The following FAM200A variants were observed in gnomAD, a reference collection of about 807,000 sequenced individuals.
The protein encoded by FAM200A is ZBED8 like.
Under a neutral mutation model 44.2 loss-of-function variants are expected in FAM200A, and 26 were observed. The observed-to-expected ratio is 0.59, with a 90% confidence interval of 0.43 to 0.82. The LOEUF (loss-of-function observed/expected upper bound fraction) is 0.82, where lower values mean the gene tolerates loss of function less well. Among genes scored for constraint, FAM200A ranks in the 40% least tolerant of loss-of-function variants. The pLI, the probability that FAM200A is intolerant of heterozygous loss-of-function variation, is 0.00. For missense variants in FAM200A, 606 were observed against 669.5 expected, an observed-to-expected ratio of 0.91 and a Z score of 1.05; for synonymous variants, 206 against 244.4, an observed-to-expected ratio of 0.84 and a Z score of 1.47.
chr7:99,549,543 T>C (rs548429371), intron 1 of FAM200A, among the ~76,000 whole-genome samples: 119 of 152,306 alleles, frequency 7.8e-4, no homozygotes, highest in Non-Finnish European at 1.3e-3. Context: ...GCCATCCCAT[T>C]ACTGGGTATA....
At chr7:99,552,221 G>T (rs548873116), upstream of FAM200A, 77 of 971,064 alleles carry the variant, frequency 7.9e-5, no homozygotes, top group African/African-American at 1.3e-3. Flanking sequence ...CTCTAATCTC[G>T]GGTTTGGGGA....
Position 99,547,451 on chromosome 7 carries a change from C to G in FAM200A, c.957G>C (p.Glu319Asp). 1 of 1,551,364 alleles carries G rather than the reference C, an allele frequency of 6.4e-7. No individual in the cohort carries two copies. Among genetic ancestry groups the G allele is most frequent in the East Asian group, 2.4e-5 (1 of 40,898 alleles). ...VLSRVYELRNEIYIFLVEKQS... is the reference protein window; with the variant it reads ...VLSRVYELRNDIYIFLVEKQS... ...GCTTTTCAACGAGAAAAATGTAAATCTCGTTCCTGAGTTCATATACTCTGC... is the reference window on the plus strand; with the variant it reads ...GCTTTTCAACGAGAAAAATGTAAATGTCGTTCCTGAGTTCATATACTCTGC... Residue 319 changes from glutamate (E) to aspartate (D), a missense_variant, in exon 2 of 2, where the codon GAG becomes GAC. By Grantham distance (45) the Glu-to-Asp change is conservative. Coordinates refer to ENST00000449309, the MANE Select transcript of FAM200A (RefSeq NM_145111.4).
chr7:99,550,740 T>C (rs1361909795), intron 1 of FAM200A, among the ~76,000 whole-genome samples: 7 of 152,038 alleles, frequency 4.6e-5, no homozygotes, highest in Admixed American at 1.3e-4. Flanking sequence ...CATAGATACC[T>C]CCCACAACTG....
chr7:99,550,772 T>C (rs911443302), intron 1 of FAM200A, among the ~76,000 whole-genome samples: 3 of 152,114 alleles, frequency 2.0e-5, no homozygotes, highest in Non-Finnish European at 2.9e-5. Flanking sequence ...TGTCCGAAAT[T>C]GCTCATTTAA....
In FAM200A at chr7:99,547,468, A is replaced by C; in HGVS notation, c.940T>G (p.Tyr314Asp). Reference sequence around the variant, plus strand: ...ATGTAAATCTCGTTCCTGAGTTCATATACTCTGCTCAATACTTTTCCTTGA... The same window carrying C: ...ATGTAAATCTCGTTCCTGAGTTCATCTACTCTGCTCAATACTTTTCCTTGA... ...LSQGKVLSRV[Y>D]ELRNEIYIFL... The change falls in exon 2 of 2, where the codon TAT (tyrosine) becomes GAT (aspartate). Residue 314 changes from tyrosine (Y) to aspartate (D), a missense_variant. Transcript: ENST00000449309. 1.3e-6 allele frequency: 2 copies of C among 1,551,370 alleles called. No individual in the cohort carries two copies. The highest frequency in any genetic ancestry group is 1.2e-5 in the South Asian group (1 of 83,954).
intron 1 of FAM200A, among the ~76,000 whole-genome samples, chr7:99,558,026 A>G (rs1802755418): frequency 6.6e-6 from 1 of 152,086 alleles, no homozygotes; most frequent in Non-Finnish European, 1.5e-5. Context: ...GTTTCTGCAT[A>G]GATTTTAGTC....
chr7:99,553,074 T>TACACAC (rs1205050302), upstream of FAM200A, among the ~76,000 whole-genome samples: 2 of 78,548 alleles, frequency 2.5e-5, no homozygotes, highest in East Asian at 8.9e-4. Flanking sequence ...CACACACATA[T>TACACAC]ATATATATAT....
At position 99,548,421 on chromosome 7, in the gene FAM200A, G is replaced by A. The variant is rs1187470723; in HGVS notation, c.-14C>T. Reference sequence around the variant, plus strand: ...TTCAGGAGTCATTATTCAGGTTCCAGGAACTGGCTCACTTGATCCAAATAG... The same window carrying A: ...TTCAGGAGTCATTATTCAGGTTCCAAGAACTGGCTCACTTGATCCAAATAG... On this transcript the variant is annotated 5_prime_UTR_variant, in exon 2 of 2. Coordinates refer to ENST00000449309, the MANE Select transcript of FAM200A (RefSeq NM_145111.4). 1.2e-6 allele frequency: 2 copies of A among 1,607,640 alleles called. No homozygotes were observed. The highest frequency in any genetic ancestry group is 1.7e-5 in the Admixed American group (1 of 59,392).
Position 99,548,300 on chromosome 7 carries a change from A to T in FAM200A, c.108T>A (p.Phe36Leu). ...ACTCTACTTTGTTTCTTTCCTTTTGAAAATGGTCTTCTTCATCTTCCTCCT... is the reference window on the plus strand; with the variant it reads ...ACTCTACTTTGTTTCTTTCCTTTTGTAAATGGTCTTCTTCATCTTCCTCCT... ...KVEEEDEEDHFQKERNKVESS... is the reference protein window; with the variant it reads ...KVEEEDEEDHLQKERNKVESS... Residue 36 changes from phenylalanine to leucine, a missense_variant, in exon 2 of 2, where the codon TTT (phenylalanine) becomes TTA (leucine). Physicochemically the swap from Phe to Leu is conservative, Grantham distance 22. Transcript: ENST00000449309. The T allele has an allele frequency of 6.2e-7, 1 of 1,614,134 alleles. No individual in the cohort carries two copies. Among genetic ancestry groups the T allele is most frequent in the Non-Finnish European group, 8.5e-7 (1 of 1,180,028 alleles).
upstream of FAM200A, among the ~76,000 whole-genome samples, chr7:99,556,582 A>G (rs968337939): frequency 5.9e-5 from 9 of 152,100 alleles, no homozygotes; most frequent in Non-Finnish European, 1.5e-5. Flanking sequence ...ATTTGTCTCT[A>G]TGCTGATACC....
rs1802436613 is a variant in FAM200A at position 99,548,289 on chromosome 7, C to T, written c.119G>A (p.Arg40Lys). 1 of 1,614,158 alleles carries T rather than the reference C, an allele frequency of 6.2e-7. No individual in the cohort carries two copies. The highest frequency in any genetic ancestry group is 8.5e-7 in the Non-Finnish European group (1 of 1,180,020). Residue 40 changes from arginine (R) to lysine (K), a missense_variant, in exon 2 of 2, where the codon AGA (arginine) becomes AAA (lysine). Coordinates refer to ENST00000449309, the MANE Select transcript of FAM200A (RefSeq NM_145111.4). ...EDEEDHFQKERNKVESSPQVL... is the reference protein window; with the variant it reads ...EDEEDHFQKEKNKVESSPQVL... ...TTGTGGCGATGACTCTACTTTGTTT[C>T]TTTCCTTTTGAAAATGGTCTTCTTC...
chr7:99,548,876 C>CTTT (rs769162310), intron 1 of FAM200A, among the ~76,000 whole-genome samples: 30 of 91,350 alleles, frequency 3.3e-4, no homozygotes, highest in Non-Finnish European at 3.8e-4. Context: ...TCTGGTCATT[C>CTTT]TTTTTTTTTT....
upstream of FAM200A, among the ~76,000 whole-genome samples, chr7:99,554,329 A>G (rs1419013618): frequency 1.3e-5 from 2 of 151,836 alleles, no homozygotes; most frequent in South Asian, 2.1e-4. Flanking sequence ...AAATACAGAA[A>G]TTACCTGGGT....
upstream of FAM200A, among the ~76,000 whole-genome samples, chr7:99,557,097 G>A (rs1802708810): frequency 6.6e-6 from 1 of 152,210 alleles, no homozygotes; most frequent in Admixed American, 6.5e-5. Flanking sequence ...TTCCACCTCT[G>A]TCATCTGGCA....
chr7:99,554,682 T>C (rs1257586913), upstream of FAM200A, among the ~76,000 whole-genome samples: 1 of 152,066 alleles, frequency 6.6e-6, no homozygotes, highest in African/African-American at 2.4e-5. Flanking sequence ...CTCCAAAATA[T>C]GGCATGGGTG....
intron 1 of FAM200A, among the ~76,000 whole-genome samples, chr7:99,558,119 T>C (rs912328777): frequency 4.6e-5 from 7 of 152,154 alleles, no homozygotes; most frequent in Non-Finnish European, 4.4e-5. Context: ...CCGTCCCCGC[T>C]TTCCCCAAGG....
intron 1 of FAM200A, 42 bp from the exon 2 acceptor site, chr7:99,548,548 A>G (rs1802445791): frequency 7.1e-7 from 1 of 1,413,424 alleles, no homozygotes; most frequent in Admixed American, 2.9e-5. Flanking sequence ...AAAAAGCAAC[A>G]TGGTATTGCT....
In FAM200A at chr7:99,546,774, T is replaced by C. The variant is rs1264818811; in HGVS notation, c.1634A>G (p.Asn545Ser). 14 of 1,551,514 alleles carry C rather than the reference T, an allele frequency of 9.0e-6. No individual in the cohort carries two copies. Among genetic ancestry groups the C allele is most frequent in the Non-Finnish European group, 1.2e-5 (14 of 1,146,990 alleles). The stretch of plus-strand genomic sequence containing the variant: ...TGCTACCCGCATATCTGGTGCACTA[T>C]TGAGCCTATTTCTCTTCTTTGTTTT... ...RLKTKKRNRL[N>S]SAPDMRVALS... The change falls in exon 2 of 2, where the codon AAT becomes AGT. Residue 545 changes from asparagine to serine, a missense_variant. Physicochemically the swap from Asn to Ser is conservative, Grantham distance 46. Transcript: ENST00000449309.
At chr7:99,555,814 G>T (rs1403813145), upstream of FAM200A, among the ~76,000 whole-genome samples, 1 of 152,182 alleles carries the variant, frequency 6.6e-6, no homozygotes, top group Non-Finnish European at 1.5e-5. Context: ...GCTGAGGCAG[G>T]AGAATTGCTT....
Sources: allele counts gnomAD v4.1 joint callset (sites outside exome capture counted in the v4.1 genomes callset), GRCh38; gene constraint gnomAD v4.1.1; transcripts MANE v1.5; gene names NCBI Gene and HGNC (gene_info 2026-07-23, HGNC 2026-07-21).